Variants in LTBR observed in about 807,000 individuals in gnomAD.
LTBR encodes tumor necrosis factor receptor superfamily member 3.
LTBR carries 15 observed loss-of-function variants against 45.4 expected under a neutral mutation model. That is an observed-to-expected ratio of 0.33 (90% confidence interval 0.22 to 0.51). LTBR has a LOEUF of 0.51. Ranked by LOEUF, LTBR falls within the 20% of genes least tolerant of loss-of-function variation. The probability of loss-of-function intolerance (pLI) is 0.97; values close to 1 mark genes in which losing one functional copy is unlikely to be tolerated. For synonymous variants in LTBR, 228 were observed against 231.0 expected (o/e 0.99, Z 0.12); for missense variants, 450 against 565.5 (o/e 0.80, Z 2.07).
At chr12:6,381,038 G>A (rs1164079457), upstream of LTBR, among the ~76,000 whole-genome samples, 1 of 152,170 alleles carries the variant, frequency 6.6e-6, no homozygotes, top group Non-Finnish European at 1.5e-5. Flanking sequence ...TTATTGGTAA[G>A]ATTTGTCTTT....
At chr12:6,377,517 T>G in intron 1 of LTBR, 1 of 693,686 alleles carries the variant, frequency 1.4e-6, no homozygotes, top group Non-Finnish European at 2.4e-6. Context: ...AAGGCCTCCC[T>G]CACTCCCACA....
Position 6,388,573 on chromosome 12 carries a change from C to G in LTBR, c.775+68C>G. 3 of 1,360,304 alleles carry G rather than the reference C, an allele frequency of 2.2e-6. No homozygotes were observed. The highest frequency in any genetic ancestry group is 3.1e-6 in the Non-Finnish European group (3 of 953,224). 84.3% of individuals were successfully genotyped at this position (1,360,304 alleles called of 1,614,324 possible). A position where few individuals can be genotyped will look rare whatever the true frequency, so the allele number is the denominator to read the frequency against. On this transcript the variant is annotated intron_variant, in intron 7 of 9. Coordinates refer to ENST00000228918, the MANE Select transcript of LTBR (RefSeq NM_002342.3). This position sits in a 1 kb window ranked among gnomAD's most constrained non-coding sequence, Gnocchi z 4.3. The stretch of plus-strand genomic sequence containing the variant: ...CGGAGGGAGGAATATTCAACTTCCC[C>G]GGTGCAACCCTCCACACCCTCAAGA...
chr12:6,388,221 T>A lies in LTBR; in HGVS notation c.668-177T>A. ...AGTCCAACTTAGTTCCCCTTCTCTA[T>A]AACCCAAGGGAAGTTTCTCTCATTC... On this transcript the variant is annotated intron_variant, in intron 6 of 9. Transcript: ENST00000228918. The surrounding 1 kb of genome is among the most constrained non-coding windows in gnomAD (Gnocchi z 4.3). The A allele has an allele frequency of 1.7e-6, 1 of 582,906 alleles. No homozygotes were observed. Among genetic ancestry groups the A allele is most frequent in the Non-Finnish European group, 3.1e-6 (1 of 325,424 alleles). 36.1% of individuals were successfully genotyped at this position (582,906 alleles called of 1,614,324 possible). A position where few individuals can be genotyped will look rare whatever the true frequency, so the allele number is the denominator to read the frequency against.
At chr12:6,385,705 G>A (rs1483429023) in intron 4 of LTBR, 1 of 388,246 alleles carries the variant, frequency 2.6e-6, no homozygotes, top group Admixed American at 4.0e-5. Flanking sequence ...AGGAGATCGA[G>A]ACCATCCTGG....
At chr12:6,377,422 A>C in intron 1 of LTBR, 1 of 709,398 alleles carries the variant, frequency 1.4e-6, no homozygotes. Flanking sequence ...CTCTGGGGCT[A>C]TCTACTTAGC....
chr12:6,384,724 G>A (rs1429550801), intron 2 of LTBR, 40 bp downstream of exon 2: 5 of 1,575,788 alleles, frequency 3.2e-6, no homozygotes, highest in Non-Finnish European at 4.4e-6. Context: ...CCTCGGAAGT[G>A]GGTCACGGGG....
In LTBR at chr12:6,390,125, A is replaced by G; in HGVS notation, c.815A>G (p.Asn272Ser). 1.9e-6 allele frequency: 3 copies of G among 1,613,748 alleles called. No homozygotes were observed. The highest frequency in any genetic ancestry group is 1.1e-5 in the South Asian group (1 of 91,080). The change falls in exon 9 of 10, where the codon AAT becomes AGT. Residue 272 changes from asparagine to serine, a missense_variant. By Grantham distance (46) the Asn-to-Ser change is conservative. Transcript: ENST00000228918. ...TCTTTCCTGCAGGGAGAGGGACCCA[A>G]TCCTGTAGCTGGAAGCTGGGAGCCT... is the stretch of plus-strand genomic sequence containing the variant. ...LKRRPQGEGP[N>S]PVAGSWEPPK... is the part of the protein sequence containing the mutation.
chr12:6,384,753 C>T, intron 2 of LTBR, 69 bp downstream of exon 2: 1 of 1,441,200 alleles, frequency 6.9e-7, no homozygotes, highest in Non-Finnish European at 9.7e-7. Context: ...CCCCTCGCGG[C>T]CTCAGAGGGA....
upstream of LTBR, among the ~76,000 whole-genome samples, chr12:6,381,809 C>T (rs890408281): frequency 6.6e-6 from 1 of 152,146 alleles, no homozygotes; most frequent in African/African-American, 2.4e-5. Context: ...CCCATCTCTA[C>T]TAAAAATACA....
At position 6,388,466 on chromosome 12, in the gene LTBR, T is replaced by C. The variant is rs1166131898; in HGVS notation, c.736T>C (p.Cys246Arg). ...FFLLLATVFS[C>R]IWKSHPSLCR... ...TCTGCTCCTTGCCACCGTCTTCTCC[T>C]GCATCTGGAAGAGCCACCCTTCTCT... The change falls in exon 7 of 10, where the codon TGC becomes CGC. Residue 246 changes from cysteine (C) to arginine (R), a missense_variant. Coordinates refer to ENST00000228918, the MANE Select transcript of LTBR (RefSeq NM_002342.3). The surrounding 1 kb of genome is among the most constrained non-coding windows in gnomAD (Gnocchi z 4.3). The C allele has an allele frequency of 1.9e-6, 3 of 1,614,078 alleles. No individual in the cohort carries two copies. The highest frequency in any genetic ancestry group is 2.2e-5 in the East Asian group (1 of 44,884).
intron 6 of LTBR, chr12:6,387,751 C>T (rs1178931666): frequency 7.7e-6 from 3 of 391,396 alleles, no homozygotes; most frequent in South Asian, 1.8e-5. Flanking sequence ...CTACAGATCA[C>T]AGCTGGAGAA....
At position 6,390,907 on chromosome 12, in the gene LTBR, C is replaced by T; in HGVS notation, c.1278C>T (p.Gly426=). The T allele has an allele frequency of 6.3e-7, 1 of 1,580,666 alleles. No individual in the cohort carries two copies. ...EHCGATPSNR[G]PRNQFITHD ...GTGGTGCCACACCCTCTAACAGGGG[C>T]CCAAGGAACCAATTTATCACCCATG... Residue 426 remains glycine (G), a synonymous_variant, in exon 10 of 10, where the codon GGC becomes GGT. Transcript: ENST00000228918.
upstream of LTBR, among the ~76,000 whole-genome samples, chr12:6,382,374 T>C (rs1204778489): frequency 6.6e-6 from 1 of 152,236 alleles, no homozygotes; most frequent in East Asian, 1.9e-4. Flanking sequence ...ACTCCCAATA[T>C]TACTTTTTCT....
chr12:6,378,061 T>C (rs1471662874), intron 1 of LTBR, among the ~76,000 whole-genome samples: 2 of 152,214 alleles, frequency 1.3e-5, no homozygotes, highest in Non-Finnish European at 2.9e-5. Context: ...CACAAATATG[T>C]TTTTGTCACA....
At chr12:6,387,968 T>C in intron 6 of LTBR, 1 of 381,274 alleles carries the variant, frequency 2.6e-6, no homozygotes. Context: ...GTACAATGGC[T>C]GAGGCCACAG....
At position 6,388,482 on chromosome 12, in the gene LTBR, A is replaced by C. The variant is rs748670813; in HGVS notation, c.752A>C (p.His251Pro). ...GTCTTCTCCTGCATCTGGAAGAGCC[A>C]CCCTTCTCTCTGCAGGAAACTGGGT... ...ATVFSCIWKS[H>P]PSLCRKLGSL... Residue 251 changes from histidine (H) to proline (P), a missense_variant, in exon 7 of 10, where the codon CAC becomes CCC. By Grantham distance (77) the His-to-Pro change is moderately conservative (BLOSUM62 -2). Transcript: ENST00000228918. This position sits in a 1 kb window ranked among gnomAD's most constrained non-coding sequence, Gnocchi z 4.3. The C allele has an allele frequency of 3.7e-6, 6 of 1,613,724 alleles. No individual in the cohort carries two copies. Among genetic ancestry groups the C allele is most frequent in the Non-Finnish European group, 5.1e-6 (6 of 1,179,948 alleles).
In LTBR at chr12:6,386,433, C is replaced by T. The variant is rs185897139; in HGVS notation, c.656C>T (p.Pro219Leu). 3 of 1,611,880 alleles carry T rather than the reference C, an allele frequency of 1.9e-6. No individual in the cohort carries two copies. In the East Asian group the frequency reaches 6.7e-5, roughly 36 times the overall value. Residue 219 changes from proline (P) to leucine (L), a missense_variant, in exon 6 of 10, where the codon CCA becomes CTA. Coordinates refer to ENST00000228918, the MANE Select transcript of LTBR (RefSeq NM_002342.3). This position sits in a 1 kb window ranked among gnomAD's most constrained non-coding sequence, Gnocchi z 4.1. ...TCKNPLEPLP[P>L]EMSGTMLMLA... Reference sequence around the variant, plus strand: ...AAAAATCCATTAGAGCCACTGCCCCCAGAGATGTCAGGTGAGGGACCAGGG... The same window carrying T: ...AAAAATCCATTAGAGCCACTGCCCCTAGAGATGTCAGGTGAGGGACCAGGG...
In LTBR at chr12:6,388,985, C is replaced by A; in HGVS notation, c.801+160C>A. On this transcript the variant is annotated intron_variant, in intron 8 of 9. Transcript: ENST00000228918. The surrounding 1 kb of genome is among the most constrained non-coding windows in gnomAD (Gnocchi z 4.3). Reference sequence around the variant, plus strand: ...CACGTACCAGGCACTGTCCTAGGCACTGGGCGTACAGCAGTGAGCAAAACA... The same window carrying A: ...CACGTACCAGGCACTGTCCTAGGCAATGGGCGTACAGCAGTGAGCAAAACA... 1.2e-6 allele frequency: 1 copy of A among 829,806 alleles called. No individual in the cohort carries two copies. The highest frequency in any genetic ancestry group is 2.0e-6 in the Non-Finnish European group (1 of 511,924). 51.4% of individuals were successfully genotyped at this position (829,806 alleles called of 1,614,324 possible). A position where few individuals can be genotyped will look rare whatever the true frequency, so the allele number is the denominator to read the frequency against.
Position 6,386,510 on chromosome 12 carries a change from T to A in LTBR, c.667+66T>A. 1 of 1,229,734 alleles carries A rather than the reference T, an allele frequency of 8.1e-7. No individual in the cohort carries two copies. Among genetic ancestry groups the A allele is most frequent in the East Asian group, 2.4e-5 (1 of 41,254 alleles). 76.2% of individuals were successfully genotyped at this position (1,229,734 alleles called of 1,614,324 possible). Reference sequence around the variant, plus strand: ...GAAAATGCCTTAATGCTCCACATCTTAAAAAAAATGGGGAAAAGATGAACA... The same window carrying A: ...GAAAATGCCTTAATGCTCCACATCTAAAAAAAAATGGGGAAAAGATGAACA... On this transcript the variant is annotated intron_variant, in intron 6 of 9. Coordinates refer to ENST00000228918, the MANE Select transcript of LTBR (RefSeq NM_002342.3). This position sits in a 1 kb window ranked among gnomAD's most constrained non-coding sequence, Gnocchi z 4.1.
Sources: allele counts gnomAD v4.1 joint callset (sites outside exome capture counted in the v4.1 genomes callset), GRCh38; gene constraint gnomAD v4.1.1; non-coding constraint Gnocchi (gnomAD v3.1); transcripts MANE v1.5; gene names NCBI Gene and HGNC (gene_info 2026-07-23, HGNC 2026-07-21).